GRID1: variants seen among roughly 807,000 people sequenced by gnomAD.
GRID1 encodes the protein glutamate ionotropic receptor delta type subunit 1, also known as glutamate receptor ionotropic, delta-1.
In GRID1, 28 loss-of-function variants were observed where a neutral mutation model predicts 98.0. The ratio of observed to expected loss-of-function variants is 0.29; its 90% CI spans 0.21 to 0.39. The LOEUF (loss-of-function observed/expected upper bound fraction) is 0.39. GRID1 is among the 10% of genes least tolerant of loss of function. The probability of loss-of-function intolerance (pLI) is 1.00; values close to 1 mark genes in which losing one functional copy is unlikely to be tolerated. For synonymous variants in GRID1, 553 were observed against 538.5 expected (o/e 1.03, Z -0.37); for missense variants, 1,111 against 1,340.5 (o/e 0.83, Z 2.67).
intron 13 of GRID1, among the ~76,000 whole-genome samples, chr10:85,627,285 C>T (rs1463382580): frequency 6.6e-6 from 1 of 152,196 alleles, no homozygotes; most frequent in Non-Finnish European, 1.5e-5. Context: ...GTCTCAGTTC[C>T]ACTGGATAAA....
chr10:86,303,070 G>A (rs910506844), intron 2 of GRID1, among the ~76,000 whole-genome samples: 1 of 152,228 alleles, frequency 6.6e-6, no homozygotes, highest in Admixed American at 6.5e-5. Context: ...AGGGAAATTT[G>A]AATATGGATT....
chr10:85,720,620 C>CA (rs1205849233), intron 12 of GRID1, among the ~76,000 whole-genome samples: 6 of 109,718 alleles, frequency 5.5e-5, no homozygotes, highest in Non-Finnish European at 1.1e-4. Flanking sequence ...ATCCATAGAC[C>CA]AAAACAAACA....
At chr10:85,734,311 C>G (rs145589585) in intron 8 of GRID1, among the ~76,000 whole-genome samples, 17 of 152,202 alleles carry the variant, frequency 1.1e-4, no homozygotes, top group African/African-American at 4.1e-4. Context: ...TCCAAGTAAT[C>G]TTTCTCTGCT....
At chr10:86,068,136 A>C (rs1843746503) in intron 4 of GRID1, among the ~76,000 whole-genome samples, 1 of 152,156 alleles carries the variant, frequency 6.6e-6, no homozygotes, top group Admixed American at 6.5e-5. Flanking sequence ...GTCGCCATTT[A>C]CAGATAAGGA....
chr10:86,330,008 C>A (rs925906833), intron 2 of GRID1, among the ~76,000 whole-genome samples: 10 of 152,158 alleles, frequency 6.6e-5, no homozygotes, highest in African/African-American at 9.7e-5. Context: ...GCATGCTGAG[C>A]TAGCCAGCAG....
intron 5 of GRID1, among the ~76,000 whole-genome samples, chr10:85,897,920 T>G (rs1589291634): frequency 6.6e-6 from 1 of 152,114 alleles, no homozygotes; most frequent in Admixed American, 6.5e-5. Context: ...ACCCTTCTTC[T>G]CTCTGCTTCT....
intron 4 of GRID1, among the ~76,000 whole-genome samples, chr10:86,016,796 T>C (rs1239961767): frequency 1.3e-5 from 2 of 152,164 alleles, no homozygotes; most frequent in Non-Finnish European, 1.5e-5. Flanking sequence ...TATTATTCCA[T>C]CTCCCCGCAA....
intron 12 of GRID1, chr10:85,708,838 AC>A (rs1446456723): frequency 6.0e-6 from 1 of 167,410 alleles, no homozygotes; most frequent in African/African-American, 2.4e-5. Context: ...AGTGACCTCC[AC>A]ATATGAAATA....
At chr10:86,245,857 C>G (rs1209383319) in intron 2 of GRID1, among the ~76,000 whole-genome samples, 1 of 152,250 alleles carries the variant, frequency 6.6e-6, no homozygotes, top group African/African-American at 2.4e-5. Context: ...AAGAAGAAGG[C>G]TGGGGCAGCA....
chr10:86,362,527 T>C (rs1848613580), intron 2 of GRID1, among the ~76,000 whole-genome samples: 1 of 151,948 alleles, frequency 6.6e-6, no homozygotes, highest in Non-Finnish European at 1.5e-5. Context: ...TCACCCCCCC[T>C]AAAAGAAAAC....
chr10:85,805,081 A>G (rs1842611687), intron 8 of GRID1, among the ~76,000 whole-genome samples: 1 of 151,496 alleles, frequency 6.6e-6, no homozygotes, highest in Non-Finnish European at 1.5e-5. Flanking sequence ...TAAGAAAAAT[A>G]TACTAGAATA....
chr10:85,906,331 A>G (rs1289661538), intron 5 of GRID1, among the ~76,000 whole-genome samples: 1 of 152,172 alleles, frequency 6.6e-6, no homozygotes, highest in Non-Finnish European at 1.5e-5. Context: ...TCCTCTCTAA[A>G]TAATTGATAG....
intron 4 of GRID1, among the ~76,000 whole-genome samples, chr10:85,927,465 G>T (rs1841790397): frequency 1.3e-5 from 2 of 150,950 alleles, no homozygotes; most frequent in Non-Finnish European, 2.9e-5. Flanking sequence ...TTTCCAGATT[G>T]TGTTCCACAG....
At chr10:85,766,360 C>A (rs1208267030) in intron 8 of GRID1, among the ~76,000 whole-genome samples, 1 of 152,082 alleles carries the variant, frequency 6.6e-6, no homozygotes, top group South Asian at 2.1e-4. Flanking sequence ...GTGGCATGTG[C>A]CTGTTGTCAC....
intron 2 of GRID1, among the ~76,000 whole-genome samples, chr10:86,339,649 C>G (rs756123844): frequency 6.6e-6 from 1 of 152,192 alleles, no homozygotes; most frequent in Admixed American, 6.5e-5. Context: ...GAGGAACCCA[C>G]GACAGCAAAG....
At chr10:85,759,448 C>A (rs936366176) in intron 8 of GRID1, among the ~76,000 whole-genome samples, 5 of 152,300 alleles carry the variant, frequency 3.3e-5, no homozygotes, top group African/African-American at 1.2e-4. Context: ...TGAAAAGGAT[C>A]ACACTTGTTG....
rs1427613715 is a variant in GRID1 at position 85,613,551 on chromosome 10, G to A, written c.2457C>T (p.Ala819=). The A allele has an allele frequency of 1.2e-6, 2 of 1,614,188 alleles. No homozygotes were observed. The highest frequency in any genetic ancestry group is 1.7e-6 in the Non-Finnish European group (2 of 1,180,042). The change falls in exon 15 of 16, where the codon GCC becomes GCT. Residue 819 remains alanine, a synonymous_variant. Coordinates refer to ENST00000327946, the MANE Select transcript of GRID1 (RefSeq NM_017551.3). The part of the protein sequence containing the change: ...GRCDLTSHAS[A]QADGKSLKLH... The stretch of plus-strand genomic sequence containing the variant: ...GCTTGAGGGATTTGCCGTCGGCCTG[G>A]GCGCTGGCATGGCTGGTGAGGTCAC...
At chr10:86,339,939 A>C (rs1222802366) in intron 2 of GRID1, among the ~76,000 whole-genome samples, 1 of 152,080 alleles carries the variant, frequency 6.6e-6, no homozygotes. Flanking sequence ...AAAGGAGATG[A>C]GAACTACGGA....
intron 2 of GRID1, among the ~76,000 whole-genome samples, chr10:86,267,336 C>T (rs1304538451): frequency 2.6e-5 from 4 of 152,352 alleles, no homozygotes; most frequent in East Asian, 1.9e-4. Flanking sequence ...GATCCACATA[C>T]GGTCCCATTC....
Sources: allele counts gnomAD v4.1 joint callset (sites outside exome capture counted in the v4.1 genomes callset), GRCh38; gene constraint gnomAD v4.1.1; transcripts MANE v1.5; gene names NCBI Gene and HGNC (gene_info 2026-07-23, HGNC 2026-07-21).